SERPINI1: variants seen among roughly 807,000 people sequenced by gnomAD.
SERPINI1 encodes the protein serpin family I member 1, also known as neuroserpin.
Under a neutral mutation model 41.1 loss-of-function variants are expected in SERPINI1, and 19 were observed. That is an observed-to-expected ratio of 0.46 (90% CI 0.32 to 0.68). SERPINI1 has a LOEUF of 0.68. SERPINI1 is among the 30% of genes least tolerant of loss of function. The pLI is 0.03. For synonymous variants in SERPINI1, 138 were observed against 156.6 expected, an observed-to-expected ratio of 0.88 and a Z score of 0.89; for missense variants, 460 against 479.2, an observed-to-expected ratio of 0.96 and a Z score of 0.37.
At chr3:167,740,031 T>TG (rs1725622610) in intron 1 of SERPINI1, among the ~76,000 whole-genome samples, 1 of 151,570 alleles carries the variant, frequency 6.6e-6, no homozygotes, top group African/African-American at 2.4e-5. Flanking sequence ...TTTTTTTTTT[T>TG]GCCGCCTTTT....
At chr3:167,822,809 G>A in intron 6 of SERPINI1, 177 bp from the exon 7 acceptor site, 2 of 537,528 alleles carry the variant, frequency 3.7e-6, no homozygotes, top group South Asian at 2.6e-5. Flanking sequence ...ATAAAATGAG[G>A]GCAAATTAAA....
chr3:167,741,289 T>C (rs1490375511), intron 1 of SERPINI1, among the ~76,000 whole-genome samples: 2 of 152,198 alleles, frequency 1.3e-5, no homozygotes, highest in Non-Finnish European at 1.5e-5. Context: ...TTAAACTGTA[T>C]TGTTTTTCCC....
At chr3:167,746,888 T>C (rs975131615) in intron 1 of SERPINI1, among the ~76,000 whole-genome samples, 3 of 152,210 alleles carry the variant, frequency 2.0e-5, no homozygotes, top group African/African-American at 7.2e-5. Flanking sequence ...TTCAAAATAT[T>C]AGCCACAGAG....
At chr3:167,792,239 T>C (rs1008532062) in intron 3 of SERPINI1, among the ~76,000 whole-genome samples, 11 of 152,144 alleles carry the variant, frequency 7.2e-5, no homozygotes, top group Non-Finnish European at 1.6e-4. Flanking sequence ...AGTCTAAGCT[T>C]ATATTGTATG....
At position 167,789,336 on chromosome 3, in the gene SERPINI1, A is replaced by G. The variant is rs11547811; in HGVS notation, c.208A>G (p.Lys70Glu). ...ACTTGGGGCCCAAGGATCTACCCAGAAAGAAATCCGCCACTCAATGGGATA... is the reference window on the plus strand; with the variant it reads ...ACTTGGGGCCCAAGGATCTACCCAGGAAGAAATCCGCCACTCAATGGGATA... Reference protein sequence around the residue: ...MELGAQGSTQKEIRHSMGYDS... With the variant: ...MELGAQGSTQEEIRHSMGYDS... The change falls in exon 2 of 9, where the codon AAA (lysine) becomes GAA (glutamate). Residue 70 changes from lysine (K) to glutamate (E), a missense_variant. Coordinates refer to ENST00000446050, the MANE Select transcript of SERPINI1 (RefSeq NM_001122752.2). 235 of 1,614,196 alleles carry G rather than the reference A, an allele frequency of 1.5e-4. 1 individual carries two copies. The African/African-American group carries it at 2.1e-3, about 15-fold the overall frequency.
At chr3:167,746,482 T>G (rs1207042651) in intron 1 of SERPINI1, among the ~76,000 whole-genome samples, 1 of 152,138 alleles carries the variant, frequency 6.6e-6, no homozygotes, top group Non-Finnish European at 1.5e-5. Flanking sequence ...AGCCATATAA[T>G]GGGAGAAAAT....
chr3:167,741,647 C>A (rs1725680504), intron 1 of SERPINI1, among the ~76,000 whole-genome samples: 1 of 152,194 alleles, frequency 6.6e-6, no homozygotes, highest in Non-Finnish European at 1.5e-5. Flanking sequence ...TGAATTAAAT[C>A]AGTTATTGGA....
At chr3:167,798,375 A>G (rs1727780924) in intron 5 of SERPINI1, among the ~76,000 whole-genome samples, 1 of 152,154 alleles carries the variant, frequency 6.6e-6, no homozygotes. Flanking sequence ...TAAATAGCAA[A>G]ATAAATAACT....
At chr3:167,770,641 A>G (rs1726718278) in intron 1 of SERPINI1, among the ~76,000 whole-genome samples, 1 of 152,232 alleles carries the variant, frequency 6.6e-6, no homozygotes, top group African/African-American at 2.4e-5. Context: ...CATCTTTTCA[A>G]TATTGCATAT....
chr3:167,759,329 C>T (rs1726295040), intron 1 of SERPINI1, among the ~76,000 whole-genome samples: 1 of 150,322 alleles, frequency 6.7e-6, no homozygotes, highest in Non-Finnish European at 1.5e-5. Flanking sequence ...ATGTTTATCA[C>T]AGCACTATTC....
intron 1 of SERPINI1, among the ~76,000 whole-genome samples, chr3:167,785,710 A>G (rs2108554205): frequency 6.6e-6 from 1 of 152,350 alleles, no homozygotes. Context: ...TGTAAACAAA[A>G]ATGCCTGGGA....
chr3:167,804,746 A>G (rs6779335), intron 5 of SERPINI1, among the ~76,000 whole-genome samples: 77,998 of 151,912 alleles, frequency 0.51, 21,165 homozygotes, highest in African/African-American at 0.63. Context: ...GGGAGGCTGA[A>G]GCAGGAGAAT....
chr3:167,791,111 A>C (rs1245175197), intron 3 of SERPINI1, among the ~76,000 whole-genome samples: 2 of 152,180 alleles, frequency 1.3e-5, no homozygotes, highest in African/African-American at 4.8e-5. Flanking sequence ...GAGAGAAATT[A>C]GAATGAGATG....
chr3:167,821,625 C>T lies in SERPINI1; in HGVS notation c.980-1361C>T, dbSNP rs1577437525. The stretch of plus-strand genomic sequence containing the variant: ...GTGGGATCCGGGCTGGTAGCACAAG[C>T]CAAGTGCAGCCTGCCAGGCCGAGTG... On this transcript the variant is annotated intron_variant, in intron 6 of 8. Coordinates refer to ENST00000446050, the MANE Select transcript of SERPINI1 (RefSeq NM_001122752.2). 2.0e-5 allele frequency among the ~76,000 whole-genome samples: 3 copies of T among 152,164 alleles called. No homozygotes were observed. The South Asian group carries it at 6.2e-4, about 32-fold the overall frequency.
chr3:167,788,741 A>G (rs1263510707), intron 1 of SERPINI1, among the ~76,000 whole-genome samples: 1 of 152,216 alleles, frequency 6.6e-6, no homozygotes, highest in African/African-American at 2.4e-5. Context: ...AGTTCATCTT[A>G]AGCCCTGTAA....
At chr3:167,813,872 C>G (rs1404049437) in intron 6 of SERPINI1, among the ~76,000 whole-genome samples, 1 of 152,116 alleles carries the variant, frequency 6.6e-6, no homozygotes, top group Non-Finnish European at 1.5e-5. Context: ...GGACTTCTCT[C>G]ATACTTCCTG....
At chr3:167,812,532 C>T (rs569360176) in intron 6 of SERPINI1, among the ~76,000 whole-genome samples, 2 of 152,324 alleles carry the variant, frequency 1.3e-5, no homozygotes, top group South Asian at 4.1e-4. Flanking sequence ...ATTCCTGATA[C>T]CTTGTGCCTT....
At chr3:167,738,766 C>T (rs1331852942) in intron 1 of SERPINI1, among the ~76,000 whole-genome samples, 3 of 150,704 alleles carry the variant, frequency 2.0e-5, no homozygotes, top group South Asian at 2.1e-4. Flanking sequence ...GCTTTTATAA[C>T]CCATAAATAT....
rs1037442437 is a variant in SERPINI1 at position 167,790,672 on chromosome 3, C to T, written c.481+70C>T. ...CTGTCTTTAACTTCTGAAAGTATTT[C>T]CTCCTTGTTCCTTTTGCATTTTGAA... On this transcript the variant is annotated intron_variant, in intron 3 of 8. Transcript: ENST00000446050. 1.3e-4 allele frequency: 151 copies of T among 1,128,618 alleles called. 1 individual carries two copies. Among genetic ancestry groups the T allele is most frequent in the South Asian group, 1.0e-3 (78 of 75,464 alleles). 69.9% of individuals were successfully genotyped at this position (1,128,618 alleles called of 1,614,324 possible). A position where few individuals can be genotyped will look rare whatever the true frequency, so the allele number is the denominator to read the frequency against.
Sources: gnomAD v4.1 joint callset for allele counts (sites outside exome capture counted in the v4.1 genomes callset) on GRCh38, gnomAD v4.1.1 for gene constraint, MANE v1.5 for transcripts, NCBI Gene and HGNC (gene_info 2026-07-23, HGNC 2026-07-21) for gene names.